The following GALNT18 variants were observed in gnomAD, a reference collection of about 807,000 sequenced individuals.
GALNT18 encodes the protein polypeptide N-acetylgalactosaminyltransferase 18.
Under a neutral mutation model 69.5 loss-of-function variants are expected in GALNT18, and 44 were observed. The observed-to-expected ratio is 0.63, with a 90% confidence interval of 0.50 to 0.81. GALNT18 has a LOEUF of 0.81. GALNT18 is among the 40% of genes least tolerant of loss of function. The pLI is 0.00. For missense variants in GALNT18, 715 were observed against 810.0 expected (o/e 0.88, Z 1.42); for synonymous variants, 364 against 318.2 (o/e 1.14, Z -1.53).
At position 11,592,273 on chromosome 11, in the gene GALNT18, A is replaced by G. The variant is rs1230552298; in HGVS notation, c.235+29086T>C. Reference sequence around the variant, plus strand: ...GCTTTAATCAATGCCCGGAAGTGAAATGCTAAGAAATTATATGCACGGTTA... The same window carrying G: ...GCTTTAATCAATGCCCGGAAGTGAAGTGCTAAGAAATTATATGCACGGTTA... On this transcript the variant is annotated intron_variant, in intron 1 of 10. Transcript: ENST00000227756. This position sits in a 1 kb window ranked among gnomAD's most constrained non-coding sequence, Gnocchi z 5.9. 6.6e-6 allele frequency among the ~76,000 whole-genome samples: 1 copy of G among 152,204 alleles called. No homozygotes were observed. The highest frequency in any genetic ancestry group is 1.5e-5 in the Non-Finnish European group (1 of 68,046).
At chr11:11,519,205 C>T (rs528621739) in intron 1 of GALNT18, among the ~76,000 whole-genome samples, 42 of 152,246 alleles carry the variant, frequency 2.8e-4, no homozygotes, top group African/African-American at 8.7e-4. Context: ...TCTGTCAGGG[C>T]CCCAGCATGA....
chr11:11,583,298 C>CCT lies in GALNT18; in HGVS notation c.235+38059_235+38060dup, dbSNP rs1279603560. ...GCAGCTGGTCCTTCTAGATGCTAGC[C>CCT]CTCTGTGTGCACACTTATATCTCAT... On this transcript the variant is annotated intron_variant, in intron 1 of 10. Transcript: ENST00000227756. The surrounding 1 kb of genome is among the most constrained non-coding windows in gnomAD (Gnocchi z 4.7). 1.3e-5 allele frequency among the ~76,000 whole-genome samples: 2 copies of CCT among 152,146 alleles called. No homozygotes were observed. The highest frequency in any genetic ancestry group is 4.8e-5 in the African/African-American group (2 of 41,440).
At chr11:11,548,461 C>T (rs1858115589) in intron 1 of GALNT18, among the ~76,000 whole-genome samples, 1 of 152,228 alleles carries the variant, frequency 6.6e-6, no homozygotes, top group Non-Finnish European at 1.5e-5. Flanking sequence ...CTACTTGTCC[C>T]AGCTAGCTTC....
intron 3 of GALNT18, among the ~76,000 whole-genome samples, chr11:11,422,962 C>T (rs1362156903): frequency 6.6e-6 from 1 of 152,210 alleles, no homozygotes; most frequent in East Asian, 1.9e-4. Context: ...GAAAGAGGCT[C>T]AACCCATTGT....
Position 11,621,618 on chromosome 11 carries a change from G to T in GALNT18, c.-25C>A. The T allele has an allele frequency of 6.6e-7, 1 of 1,519,678 alleles. No individual in the cohort carries two copies. Among genetic ancestry groups the T allele is most frequent in the Non-Finnish European group, 9.0e-7 (1 of 1,116,774 alleles). 94.1% of individuals were successfully genotyped at this position (1,519,678 alleles called of 1,614,324 possible). A position where few individuals can be genotyped will look rare whatever the true frequency, so the allele number is the denominator to read the frequency against. On this transcript the variant is annotated 5_prime_UTR_variant, in exon 1 of 11. Transcript: ENST00000227756. This position sits in a 1 kb window ranked among gnomAD's most constrained non-coding sequence, Gnocchi z 9.3. ...TTCTGGGCTCCTTCCTCCATATAGA[G>T]CTCCCGGGGGCCCTTCCTTGTCGTG... is the stretch of plus-strand genomic sequence containing the variant.
At position 11,421,510 on chromosome 11, in the gene GALNT18, G is replaced by C. The variant is rs1855003869; in HGVS notation, c.595+11111C>G. 6.6e-6 allele frequency among the ~76,000 whole-genome samples: 1 copy of C among 152,136 alleles called. No homozygotes were observed. Among genetic ancestry groups the C allele is most frequent in the African/African-American group, 2.4e-5 (1 of 41,442 alleles). On this transcript the variant is annotated intron_variant, in intron 3 of 10. Coordinates refer to ENST00000227756, the MANE Select transcript of GALNT18 (RefSeq NM_198516.3). The surrounding 1 kb of genome is among the most constrained non-coding windows in gnomAD (Gnocchi z 5.6). ...GAAGAGGATTGACCAGGGCTAGCTG[G>C]GAAGCTGGGGCCCAGCTAAGGGGAT...
At position 11,605,914 on chromosome 11, in the gene GALNT18, A is replaced by G. The variant is rs1164499689; in HGVS notation, c.235+15445T>C. On this transcript the variant is annotated intron_variant, in intron 1 of 10. Coordinates refer to ENST00000227756, the MANE Select transcript of GALNT18 (RefSeq NM_198516.3). The surrounding 1 kb of genome is among the most constrained non-coding windows in gnomAD (Gnocchi z 4.7). Reference sequence around the variant, plus strand: ...GCACACTGCACACACGCTCATGCGCACACACACACACCACTGAGCTTCAGC... The same window carrying G: ...GCACACTGCACACACGCTCATGCGCGCACACACACACCACTGAGCTTCAGC... Among the ~76,000 whole-genome samples the G allele has an allele frequency of 3.3e-5, 5 of 152,034 alleles. No individual in the cohort carries two copies. The East Asian group carries it at 7.7e-4, about 23-fold the overall frequency.
At chr11:11,515,258 A>G (rs1322269671) in intron 1 of GALNT18, among the ~76,000 whole-genome samples, 1 of 150,390 alleles carries the variant, frequency 6.6e-6, no homozygotes, top group African/African-American at 2.4e-5. Flanking sequence ...AATGTGGGCT[A>G]TTAGTATGAG....
At chr11:11,419,814 A>G (rs959583772) in intron 3 of GALNT18, among the ~76,000 whole-genome samples, 9 of 151,976 alleles carry the variant, frequency 5.9e-5, no homozygotes, top group African/African-American at 1.9e-4. Flanking sequence ...AGCTCTTGGG[A>G]CATGAGCTCC....
chr11:11,299,274 G>A (rs4910302), intron 9 of GALNT18, among the ~76,000 whole-genome samples: 41,865 of 151,986 alleles, frequency 0.28, 6,106 homozygotes, highest in Middle Eastern at 0.4. Context: ...CCTCCCAAGT[G>A]GCTGGGATTA....
At chr11:11,391,186 G>T (rs1176591218) in intron 3 of GALNT18, among the ~76,000 whole-genome samples, 1 of 152,176 alleles carries the variant, frequency 6.6e-6, no homozygotes, top group Non-Finnish European at 1.5e-5. Context: ...TTACCACCTA[G>T]CCACTCTGAT....
chr11:11,308,641 C>T (rs1162842370), intron 9 of GALNT18, among the ~76,000 whole-genome samples: 1 of 152,180 alleles, frequency 6.6e-6, no homozygotes, highest in African/African-American at 2.4e-5. Flanking sequence ...TGACACTCTC[C>T]TCTCCCCTGG....
intron 1 of GALNT18, among the ~76,000 whole-genome samples, chr11:11,536,596 G>A (rs1427035559): frequency 1.3e-5 from 2 of 150,072 alleles, no homozygotes; most frequent in Admixed American, 1.3e-4. Flanking sequence ...CTCTGTAGTC[G>A]ATGAAACCCG....
At chr11:11,289,517 G>C (rs186525109) in intron 10 of GALNT18, among the ~76,000 whole-genome samples, 1 of 152,302 alleles carries the variant, frequency 6.6e-6, no homozygotes, top group African/African-American at 2.4e-5. Context: ...CCTGGGATAA[G>C]GGAAGGAGGG....
chr11:11,397,237 GC>G (rs1165205115), intron 3 of GALNT18, among the ~76,000 whole-genome samples: 1 of 152,166 alleles, frequency 6.6e-6, no homozygotes, highest in African/African-American at 2.4e-5. Context: ...TAAGGGAAAT[GC>G]CCGTGTCTTT....
rs1186493023 is a variant in GALNT18, at chr11:11,563,976, G to A, written c.235+57383C>T. On this transcript the variant is annotated intron_variant, in intron 1 of 10. Coordinates refer to ENST00000227756, the MANE Select transcript of GALNT18 (RefSeq NM_198516.3). The surrounding 1 kb of genome is among the most constrained non-coding windows in gnomAD (Gnocchi z 4.6). Reference sequence around the variant, plus strand: ...ATAAAGAGCTATGCTGATCTGACATGATGGCTTGCTCCAACGCCCTAAAAA... The same window carrying A: ...ATAAAGAGCTATGCTGATCTGACATAATGGCTTGCTCCAACGCCCTAAAAA... Among the ~76,000 whole-genome samples the A allele has an allele frequency of 6.6e-6, 1 of 152,170 alleles. No homozygotes were observed. The highest frequency in any genetic ancestry group is 1.9e-4 in the East Asian group (1 of 5,196).
chr11:11,305,498 T>C (rs1849563062), intron 9 of GALNT18, among the ~76,000 whole-genome samples: 1 of 152,178 alleles, frequency 6.6e-6, no homozygotes, highest in Non-Finnish European at 1.5e-5. Context: ...ACTTGATCCA[T>C]TGTGGGTGGA....
In GALNT18 at chr11:11,490,200, TTCTCTCTCTCTC is replaced by T. The variant is rs71037025; in HGVS notation, c.236-41276_236-41265del. On this transcript the variant is annotated intron_variant, in intron 1 of 10. Coordinates refer to ENST00000227756, the MANE Select transcript of GALNT18 (RefSeq NM_198516.3). ...AGTTTGGCCTCTTCTCCTTCACTCA[TTCTCTCTCTCTC>T]TCTCTCTCTCTCTCTCTCTCTAACA... 5.1e-3 allele frequency among the ~76,000 whole-genome samples: 661 copies of T among 130,778 alleles called. 6 individuals carry two copies. The highest frequency in any genetic ancestry group is 0.018 in the African/African-American group (631 of 34,744). 85.8% of individuals were successfully genotyped at this position (130,778 alleles called of 152,430 possible). A position where few individuals can be genotyped will look rare whatever the true frequency, so the allele number is the denominator to read the frequency against.
rs892106892 is a variant in GALNT18, at chr11:11,332,423, T to C, written c.1416+271A>G. On this transcript the variant is annotated intron_variant, in intron 8 of 10. Coordinates refer to ENST00000227756, the MANE Select transcript of GALNT18 (RefSeq NM_198516.3). This position sits in a 1 kb window ranked among gnomAD's most constrained non-coding sequence, Gnocchi z 4.3. ...ATCTTAAGCTAACTGCTTTATTATG[T>C]GTTTTATTAAGCGGAATATGCAGGT... 2.6e-5 allele frequency among the ~76,000 whole-genome samples: 4 copies of C among 152,180 alleles called. No homozygotes were observed. Among genetic ancestry groups the C allele is most frequent in the African/African-American group, 9.7e-5 (4 of 41,432 alleles).
Sources: allele counts gnomAD v4.1 joint callset (sites outside exome capture counted in the v4.1 genomes callset), GRCh38; gene constraint gnomAD v4.1.1; non-coding constraint Gnocchi (gnomAD v3.1); transcripts MANE v1.5; gene names NCBI Gene and HGNC (gene_info 2026-07-23, HGNC 2026-07-21).